The following NCKAP1 variants were observed in gnomAD, a reference collection of about 807,000 sequenced individuals.
NCKAP1 encodes NCK associated protein 1, also known as nck-associated protein 1.
A neutral mutation model predicts 151.2 loss-of-function variants in NCKAP1; 21 were observed. That is an observed-to-expected ratio of 0.14 (90% CI 0.10 to 0.20). NCKAP1 has a LOEUF of 0.20. Ranked by LOEUF, NCKAP1 falls within the 10% of genes least tolerant of loss-of-function variation. The probability of loss-of-function intolerance (pLI) is 1.00; values close to 1 mark genes in which losing one functional copy is unlikely to be tolerated. For missense variants in NCKAP1, 933 were observed against 1,352.1 expected (o/e 0.69, Z 4.86); for synonymous variants, 484 against 451.8 (o/e 1.07, Z -0.90).
chr2:183,036,077 T>G (rs1323830015), intron 1 of NCKAP1, among the ~76,000 whole-genome samples: 1 of 152,166 alleles, frequency 6.6e-6, no homozygotes, highest in Non-Finnish European at 1.5e-5. Context: ...GCATTTTAAC[T>G]TTCACAAGTT....
In NCKAP1 at chr2:182,916,319, G is replaced by A. The variant is rs1431963107; in HGVS notation, c.*9383C>T. 1 of 152,024 alleles carries A rather than the reference G, an allele frequency of 6.6e-6. No individual in the cohort carries two copies. Among genetic ancestry groups the A allele is most frequent in the African/African-American group, 2.4e-5 (1 of 41,378 alleles). The allele number at this position is 152,024 out of a possible 1,614,324, so 9.4% of individuals were successfully genotyped here. On this transcript the variant is annotated 3_prime_UTR_variant, in exon 31 of 31. Transcript: ENST00000361354. ...CACTTGTTCCCAACATGAAGCTAAGGGCATCTGTACCAATGGAGGTCTGTA... is the reference window on the plus strand; with the variant it reads ...CACTTGTTCCCAACATGAAGCTAAGAGCATCTGTACCAATGGAGGTCTGTA...
rs1696560372 is a variant in NCKAP1 at position 182,922,187 on chromosome 2, A to G, written c.*3515T>C. ...TGAAGTCTCAGAAAGGCAAGTCCTTATAACAGAATGGGCATGGATCATGTA... is the reference window on the plus strand; with the variant it reads ...TGAAGTCTCAGAAAGGCAAGTCCTTGTAACAGAATGGGCATGGATCATGTA... On this transcript the variant is annotated 3_prime_UTR_variant, in exon 31 of 31. Transcript: ENST00000361354. 6.6e-6 allele frequency: 1 copy of G among 152,242 alleles called. No individual in the cohort carries two copies. The highest frequency in any genetic ancestry group is 1.5e-5 in the Non-Finnish European group (1 of 68,038). 9.4% of individuals were successfully genotyped at this position (152,242 alleles called of 1,614,324 possible).
At chr2:182,970,064 G>A (rs1015762062) in intron 15 of NCKAP1, among the ~76,000 whole-genome samples, 1 of 152,034 alleles carries the variant, frequency 6.6e-6, no homozygotes, top group East Asian at 1.9e-4. Context: ...CTACCAAGAA[G>A]AAACAGAAAA....
intron 15 of NCKAP1, among the ~76,000 whole-genome samples, chr2:182,968,707 C>A (rs991138806): frequency 6.6e-6 from 1 of 152,218 alleles, no homozygotes; most frequent in African/African-American, 2.4e-5. Flanking sequence ...TGCATATATG[C>A]TGATGCCTAT....
chr2:182,962,805 C>T (rs1697482723), intron 17 of NCKAP1, among the ~76,000 whole-genome samples: 2 of 151,030 alleles, frequency 1.3e-5, no homozygotes, highest in Admixed American at 1.3e-4. Flanking sequence ...TAAAATCAAA[C>T]CCTATTGCTC....
intron 6 of NCKAP1, among the ~76,000 whole-genome samples, chr2:182,997,368 C>T (rs926547439): frequency 8.5e-5 from 13 of 152,128 alleles, no homozygotes; most frequent in Non-Finnish European, 1.6e-4. Context: ...CTATTTTTAT[C>T]ATCGTTTTAG....
chr2:183,001,252 C>A (rs529744958), intron 6 of NCKAP1, among the ~76,000 whole-genome samples: 36 of 152,290 alleles, frequency 2.4e-4, no homozygotes, highest in Non-Finnish European at 4.7e-4. Flanking sequence ...TGCTCCAGCC[C>A]TTAATCCTTA....
intron 15 of NCKAP1, among the ~76,000 whole-genome samples, chr2:182,968,078 T>G (rs1697611900): frequency 1.3e-5 from 2 of 152,204 alleles, no homozygotes; most frequent in Non-Finnish European, 2.9e-5. Flanking sequence ...AGGGAAATAG[T>G]AAAACATGAG....
At chr2:183,013,872 C>T (rs1430453479) in intron 2 of NCKAP1, among the ~76,000 whole-genome samples, 1 of 152,200 alleles carries the variant, frequency 6.6e-6, no homozygotes, top group Non-Finnish European at 1.5e-5. Context: ...CATGCACCCA[C>T]CTGAGCCTTT....
intron 7 of NCKAP1, 141 bp from the exon 8 acceptor site, chr2:182,995,028 G>A (rs1159668773): frequency 6.0e-6 from 4 of 669,650 alleles, no homozygotes; most frequent in Non-Finnish European, 1.0e-5. Context: ...TGAAGAGCTG[G>A]ATAAAAGTTT....
chr2:183,037,977 C>T lies in NCKAP1; in HGVS notation c.108+15G>A. ...CCCGCCCGCCTCCGCCGCGGCCTCCCCGGCCCGTGCGCACCTTCTTGATGT... is the reference window on the plus strand; with the variant it reads ...CCCGCCCGCCTCCGCCGCGGCCTCCTCGGCCCGTGCGCACCTTCTTGATGT... On this transcript the variant is annotated intron_variant, in intron 1 of 30. Coordinates refer to ENST00000361354, the MANE Select transcript of NCKAP1 (RefSeq NM_013436.5). 6.4e-7 allele frequency: 1 copy of T among 1,571,530 alleles called. No homozygotes were observed. Among genetic ancestry groups the T allele is most frequent in the South Asian group, 1.1e-5 (1 of 87,530 alleles).
chr2:183,001,855 A>T, intron 6 of NCKAP1, 98 bp downstream of exon 6: 3 of 952,142 alleles, frequency 3.2e-6, no homozygotes, highest in Non-Finnish European at 4.9e-6. Flanking sequence ...ATCCCATTAT[A>T]GTATTTTTCA....
chr2:182,920,468 G>A lies in NCKAP1; in HGVS notation c.*5234C>T, dbSNP rs1441384555. 1.3e-5 allele frequency: 2 copies of A among 152,168 alleles called. No individual in the cohort carries two copies. Among genetic ancestry groups the A allele is most frequent in the Admixed American group, 6.5e-5 (1 of 15,270 alleles). The allele number at this position is 152,168 out of a possible 1,614,324, so 9.4% of individuals were successfully genotyped here. On this transcript the variant is annotated 3_prime_UTR_variant, in exon 31 of 31. Coordinates refer to ENST00000361354, the MANE Select transcript of NCKAP1 (RefSeq NM_013436.5). Reference sequence around the variant, plus strand: ...ATGAGTCCGTGTGGGCTGCTATAACGAAATGCCTTAGTCTGGTTTATAAAG... The same window carrying A: ...ATGAGTCCGTGTGGGCTGCTATAACAAAATGCCTTAGTCTGGTTTATAAAG...
intron 23 of NCKAP1, among the ~76,000 whole-genome samples, chr2:182,951,636 C>CAAAAAAAA (rs11336221): frequency 9.9e-5 from 9 of 90,736 alleles, no homozygotes; most frequent in East Asian, 3.9e-4. Flanking sequence ...GACTCCATCT[C>CAAAAAAAA]AAAAAAAAAA....
intron 23 of NCKAP1, among the ~76,000 whole-genome samples, chr2:182,945,283 T>C (rs1697078497): frequency 6.6e-6 from 1 of 151,416 alleles, no homozygotes; most frequent in Non-Finnish European, 1.5e-5. Flanking sequence ...GGCACAGTGG[T>C]ACACGCCTAT....
intron 27 of NCKAP1, among the ~76,000 whole-genome samples, chr2:182,929,743 C>T (rs919825336): frequency 1.5e-5 from 2 of 134,302 alleles, no homozygotes; most frequent in African/African-American, 5.6e-5. Flanking sequence ...AATGAGGAAA[C>T]AAAATTGCAT....
Position 182,952,495 on chromosome 2 carries a change from C to A in NCKAP1, c.2511G>T (p.Arg837Ser). 1 of 1,591,360 alleles carries A rather than the reference C, an allele frequency of 6.3e-7. No homozygotes were observed. The highest frequency in any genetic ancestry group is 8.6e-7 in the Non-Finnish European group (1 of 1,169,348). Residue 837 changes from arginine (R) to serine (S), a missense_variant, in exon 23 of 31, where the codon AGG (arginine) becomes AGT (serine). By Grantham distance (110) the Arg-to-Ser change is moderately radical. Coordinates refer to ENST00000361354, the MANE Select transcript of NCKAP1 (RefSeq NM_013436.5). ...ATGGGCCTAGTAGTTCTGATAATGA[C>A]CTCATTTCTGAAAGAAAACATACTT... ...AEEYSDISEM[R>S]SLSELLGPYG...
intron 15 of NCKAP1, among the ~76,000 whole-genome samples, chr2:182,975,964 G>C (rs1697814620): frequency 6.6e-6 from 1 of 151,934 alleles, no homozygotes; most frequent in Non-Finnish European, 1.5e-5. Flanking sequence ...TAGCAAAACA[G>C]TACATAGTAC....
intron 2 of NCKAP1, among the ~76,000 whole-genome samples, chr2:183,011,899 A>G (rs1698596485): frequency 6.6e-6 from 1 of 152,226 alleles, no homozygotes; most frequent in Non-Finnish European, 1.5e-5. Context: ...TTAACCTATT[A>G]TATTACCAGG....
Sources: allele counts gnomAD v4.1 joint callset (sites outside exome capture counted in the v4.1 genomes callset), GRCh38; gene constraint gnomAD v4.1.1; transcripts MANE v1.5; gene names NCBI Gene and HGNC (gene_info 2026-07-23, HGNC 2026-07-21).